LTA4H: variants seen among roughly 807,000 people sequenced by gnomAD.
LTA4H encodes the protein leukotriene A-4 hydrolase.
Under a neutral mutation model 89.8 loss-of-function variants are expected in LTA4H, and 59 were observed. That is an observed-to-expected ratio of 0.66 (90% CI 0.53 to 0.82). The LOEUF is 0.82. LTA4H is among the 40% of genes least tolerant of loss of function. LTA4H has a pLI of 0.00. For synonymous variants in LTA4H, 227 were observed against 253.1 expected (o/e 0.90, Z 0.98); for missense variants, 617 against 727.0 (o/e 0.85, Z 1.74).
At chr12:96,043,324 G>A (rs1950702828) in exon 1 of LTA4H, 1 of 1,535,378 alleles carries the variant, frequency 6.5e-7, no homozygotes, top group Non-Finnish European at 8.7e-7. Context: ...GTCTTAACTG[G>A]GATATGCATG....
At chr12:96,021,046 G>T in intron 6 of LTA4H, 39 bp downstream of exon 6, 7 of 1,563,152 alleles carry the variant, frequency 4.5e-6, no homozygotes, top group South Asian at 1.2e-5. Context: ...CCTAAGTTTT[G>T]ATCTTTCCAC....
At chr12:96,010,872 G>A (rs1195389051) in intron 14 of LTA4H, 1 of 152,196 alleles carries the variant, frequency 6.6e-6, no homozygotes, top group Admixed American at 6.5e-5. Flanking sequence ...GAAATGGAGA[G>A]ATGTGGATAG....
At chr12:96,012,879 T>C (rs1950324517) in intron 14 of LTA4H, 1 of 263,132 alleles carries the variant, frequency 3.8e-6, no homozygotes, top group African/African-American at 2.2e-5. Context: ...AACAGTGTTG[T>C]AATTAACATA....
intron 3 of LTA4H, 120 bp downstream of exon 3, chr12:96,027,320 GATCA>G (rs2136911104): frequency 2.7e-6 from 2 of 744,484 alleles, no homozygotes; most frequent in Middle Eastern, 2.6e-4. Flanking sequence ...GTTTCTATAA[GATCA>G]ATTAATACAT....
chr12:96,039,613 AG>A (rs145340560), upstream of LTA4H, among the ~76,000 whole-genome samples: 1,422 of 152,330 alleles, frequency 9.3e-3, 26 homozygotes, highest in African/African-American at 0.032. Context: ...AAGAGCTTTT[AG>A]GACAACCTGG....
Position 96,013,214 on chromosome 12 carries a change from A to G in LTA4H, c.1353T>C (p.Ser451=), listed in dbSNP as rs750674682. Reference sequence around the variant, plus strand: ...TGGGCTTTATGGGAGGCAGTCCAGGAGAGTAGAGCCAGGCATTCCAATCAA... The same window carrying G: ...TGGGCTTTATGGGAGGCAGTCCAGGGGAGTAGAGCCAGGCATTCCAATCAA... ...NQVDWNAWLY[S]PGLPPIKPNY... is the part of the protein sequence containing the mutation. Residue 451 remains serine, a synonymous_variant, in exon 14 of 19, where the codon TCT becomes TCC. Coordinates refer to ENST00000228740, the MANE Select transcript of LTA4H (RefSeq NM_000895.3). The G allele has an allele frequency of 3.1e-6, 5 of 1,613,688 alleles. No individual in the cohort carries two copies. The African/African-American group carries it at 6.7e-5, about 22-fold the overall frequency.
intron 3 of LTA4H, 24 bp downstream of exon 3, chr12:96,027,420 A>G: frequency 5.8e-6 from 9 of 1,551,594 alleles, no homozygotes; most frequent in Non-Finnish European, 6.9e-6. Context: ...TCTGCATCAG[A>G]AATCATTCTG....
upstream of LTA4H, among the ~76,000 whole-genome samples, chr12:96,037,639 T>G (rs1950659801): frequency 6.6e-6 from 1 of 150,820 alleles, no homozygotes; most frequent in African/African-American, 2.4e-5. Flanking sequence ...GCTTGGCCAA[T>G]GTGAGAAGGG....
upstream of LTA4H, among the ~76,000 whole-genome samples, chr12:96,036,201 A>G (rs1178697861): frequency 6.6e-6 from 1 of 152,218 alleles, no homozygotes; most frequent in Non-Finnish European, 1.5e-5. Flanking sequence ...CATCTCTCAA[A>G]CGGAGAAAGC....
chr12:96,021,941 C>T (rs933299424), intron 5 of LTA4H, among the ~76,000 whole-genome samples: 1 of 152,102 alleles, frequency 6.6e-6, no homozygotes, highest in Non-Finnish European at 1.5e-5. Context: ...TCTGTCTCTA[C>T]AGCAAACCCT....
At position 96,017,581 on chromosome 12, in the gene LTA4H, C is replaced by T. The variant is rs760090731; in HGVS notation, c.853-1G>A. Reference sequence around the variant, plus strand: ...CATTGGAGAGTGACTTGTCGCCTGCCTACAAAAAAAGAAAATTACCTTAGT... The same window carrying T: ...CATTGGAGAGTGACTTGTCGCCTGCTTACAAAAAAAGAAAATTACCTTAGT... On this transcript the variant is annotated splice_acceptor_variant, in intron 8 of 18. Coordinates refer to ENST00000228740, the MANE Select transcript of LTA4H (RefSeq NM_000895.3). LOFTEE classifies it high-confidence loss of function. 2 of 1,609,048 alleles carry T rather than the reference C, an allele frequency of 1.2e-6. No homozygotes were observed. Among genetic ancestry groups the T allele is most frequent in the Non-Finnish European group, 1.7e-6 (2 of 1,176,652 alleles).
chr12:96,010,617 G>A (rs1221898556), intron 14 of LTA4H: 2 of 152,278 alleles, frequency 1.3e-5, no homozygotes, highest in South Asian at 2.1e-4. Flanking sequence ...AGCAAAGGGA[G>A]CTAGAGTGTT....
Position 96,006,337 on chromosome 12 carries a change from A to T in LTA4H, c.1507T>A (p.Phe503Ile), listed in dbSNP as rs776444818. ...KDLSSHQLNE[F>I]LAQTLQRAPL... ...ACCCTCTGGAGCGTCTGTGCTAAAA[A>T]CTCATTCAATTGATGAGAAGAGAGA... The change falls in exon 16 of 19, where the codon TTT (phenylalanine) becomes ATT (isoleucine). Residue 503 changes from phenylalanine (F) to isoleucine (I), a missense_variant. Coordinates refer to ENST00000228740, the MANE Select transcript of LTA4H (RefSeq NM_000895.3). 4 of 1,610,308 alleles carry T rather than the reference A, an allele frequency of 2.5e-6. 1 individual carries two copies. Among genetic ancestry groups the T allele is most frequent in the South Asian group, 2.2e-5 (2 of 90,776 alleles).
chr12:96,032,537 G>A (rs1476060680), intron 1 of LTA4H, among the ~76,000 whole-genome samples: 1 of 152,150 alleles, frequency 6.6e-6, no homozygotes, highest in African/African-American at 2.4e-5. Context: ...ACATTCAAGA[G>A]TCCACAATCT....
At chr12:96,040,112 T>G (rs537800273), upstream of LTA4H, among the ~76,000 whole-genome samples, 1 of 152,184 alleles carries the variant, frequency 6.6e-6, no homozygotes, top group Non-Finnish European at 1.5e-5. Flanking sequence ...GAGCCGAATA[T>G]TAATAGGAAA....
intron 4 of LTA4H, among the ~76,000 whole-genome samples, chr12:96,023,299 C>A (rs1433398462): frequency 1.3e-5 from 2 of 151,702 alleles, no homozygotes; most frequent in Non-Finnish European, 2.9e-5. Flanking sequence ...TCAGCCACCT[C>A]CCTTCATTTA....
intron 1 of LTA4H, among the ~76,000 whole-genome samples, chr12:96,032,262 C>G (rs1170645113): frequency 6.6e-6 from 1 of 152,224 alleles, no homozygotes; most frequent in Non-Finnish European, 1.5e-5. Context: ...GATTAAGTCT[C>G]CTTCAGCATT....
rs1950463956 is a variant in LTA4H, at chr12:96,022,396, G to GTA, written c.481-147_481-146dup. 3 of 583,490 alleles carry GTA rather than the reference G, an allele frequency of 5.1e-6. No individual in the cohort carries two copies. The highest frequency in any genetic ancestry group is 1.9e-5 in the African/African-American group (1 of 53,298). 36.1% of individuals were successfully genotyped at this position (583,490 alleles called of 1,614,324 possible). A position where few individuals can be genotyped will look rare whatever the true frequency, so the allele number is the denominator to read the frequency against. Reference sequence around the variant, plus strand: ...CAAAAAGTATATACATATACAAAAAGTATATATATACACACACATATATAT... The same window carrying GTA: ...CAAAAAGTATATACATATACAAAAAGTATATATATATACACACACATATATAT... On this transcript the variant is annotated intron_variant, in intron 4 of 18. Transcript: ENST00000228740. This position sits in a 1 kb window ranked among gnomAD's most constrained non-coding sequence, Gnocchi z 4.0.
intron 15 of LTA4H, among the ~76,000 whole-genome samples, chr12:96,007,071 C>T (rs1950214171): frequency 6.6e-6 from 1 of 152,098 alleles, no homozygotes; most frequent in South Asian, 2.1e-4. Context: ...ACTAAAAAAT[C>T]AAATAGGACA....
Sources: gnomAD v4.1 joint callset for allele counts (sites outside exome capture counted in the v4.1 genomes callset) on GRCh38, gnomAD v4.1.1 for gene constraint, Gnocchi (gnomAD v3.1) non-coding constraint, MANE v1.5 for transcripts, NCBI Gene and HGNC (gene_info 2026-07-23, HGNC 2026-07-21) for gene names.